Variants in ZBTB20 observed in about 807,000 individuals in gnomAD.
ZBTB20 encodes the protein zinc finger and BTB domain-containing protein 20.
ZBTB20 carries 9 observed loss-of-function variants against 56.9 expected under a neutral mutation model. The observed-to-expected ratio is 0.16, with a 90% CI of 0.10 to 0.28. ZBTB20 has a LOEUF of 0.28. ZBTB20 is among the 10% of genes least tolerant of loss of function. The probability of loss-of-function intolerance (pLI) is 1.00; values close to 1 mark genes in which losing one functional copy is unlikely to be tolerated. For missense variants in ZBTB20, 655 were observed against 1,003.0 expected (o/e 0.65, Z 4.69); for synonymous variants, 417 against 420.7 (o/e 0.99, Z 0.11).
intron 6 of ZBTB20, among the ~76,000 whole-genome samples, chr3:114,597,073 C>T (rs1483663016): frequency 6.6e-6 from 1 of 152,112 alleles, no homozygotes; most frequent in Non-Finnish European, 1.5e-5. Context: ...CCCACAGGCA[C>T]AGATAAGCAT....
At chr3:114,948,755 T>G (rs2076969138) in intron 3 of ZBTB20, among the ~76,000 whole-genome samples, 1 of 145,984 alleles carries the variant, frequency 6.9e-6, no homozygotes, top group Non-Finnish European at 1.5e-5. Context: ...ATTGTAGAAA[T>G]GAATCTAACA....
intron 7 of ZBTB20, among the ~76,000 whole-genome samples, chr3:114,415,004 C>T (rs1403940819): frequency 6.6e-6 from 1 of 151,758 alleles, no homozygotes. Flanking sequence ...GTAACACTGG[C>T]AACTCATAGC....
At chr3:114,892,467 A>T (rs1167103404) in intron 4 of ZBTB20, among the ~76,000 whole-genome samples, 1 of 152,236 alleles carries the variant, frequency 6.6e-6, no homozygotes, top group African/African-American at 2.4e-5. Context: ...TACTGTCAGG[A>T]TCTGAATACA....
chr3:114,443,585 T>C (rs1396675685), intron 7 of ZBTB20, among the ~76,000 whole-genome samples: 1 of 152,194 alleles, frequency 6.6e-6, no homozygotes, highest in Non-Finnish European at 1.5e-5. Context: ...AAAGATTCAA[T>C]ATATTTTTAT....
chr3:114,494,801 C>T (rs2043102351), intron 7 of ZBTB20, among the ~76,000 whole-genome samples: 1 of 152,204 alleles, frequency 6.6e-6, no homozygotes, highest in Non-Finnish European at 1.5e-5. Context: ...TGCTCTTCAA[C>T]CAACCTTTAT....
intron 7 of ZBTB20, among the ~76,000 whole-genome samples, chr3:114,441,718 C>T (rs748797854): frequency 3.0e-4 from 46 of 152,070 alleles, no homozygotes; most frequent in Non-Finnish European, 5.7e-4. Flanking sequence ...TTCTAGGCAA[C>T]ACACCGGTGA....
intron 6 of ZBTB20, among the ~76,000 whole-genome samples, chr3:114,682,503 C>T (rs895842330): frequency 7.9e-5 from 12 of 152,274 alleles, no homozygotes; most frequent in African/African-American, 2.9e-4. Flanking sequence ...AGAATTCGCA[C>T]TCTTCATCTC....
rs532986598 is a variant in ZBTB20 at position 114,527,083 on chromosome 3, C to A, written c.-294-26692G>T. ...TCTATGAAAACGGCAGCATATCTAA[C>A]CAGGGAGGTGGGAACTATAGTTTAA... On this transcript the variant is annotated intron_variant, in intron 6 of 11. Coordinates refer to ENST00000675478, the MANE Select transcript of ZBTB20 (RefSeq NM_001348800.3). The A allele has an allele frequency of 2.0e-5, 3 of 152,196 alleles. No individual in the cohort carries two copies. In the South Asian group the frequency reaches 6.2e-4, roughly 32 times the overall value. 9.4% of individuals were successfully genotyped at this position (152,196 alleles called of 1,614,324 possible).
intron 2 of ZBTB20, among the ~76,000 whole-genome samples, chr3:115,032,167 CAACAT>C (rs1243537015): frequency 2.0e-5 from 3 of 151,106 alleles, no homozygotes. Context: ...AAATGAAAGG[CAACAT>C]AACAGCACGT....
At chr3:114,550,441 T>C (rs1002575051) in intron 6 of ZBTB20, among the ~76,000 whole-genome samples, 1 of 152,322 alleles carries the variant, frequency 6.6e-6, no homozygotes, top group South Asian at 2.1e-4. Flanking sequence ...GAAGTCCAAA[T>C]TGTAAGCTGA....
chr3:114,576,400 G>T (rs1017634558), intron 6 of ZBTB20, among the ~76,000 whole-genome samples: 2 of 150,574 alleles, frequency 1.3e-5, no homozygotes, highest in Non-Finnish European at 3.0e-5. Flanking sequence ...TACTCGGGAG[G>T]CTGAGGCAGG....
At chr3:115,013,365 C>G (rs562647347) in intron 2 of ZBTB20, among the ~76,000 whole-genome samples, 2 of 151,298 alleles carry the variant, frequency 1.3e-5, no homozygotes, top group African/African-American at 4.8e-5. Context: ...CAACTGATAC[C>G]GCAGAATTTA....
intron 4 of ZBTB20, among the ~76,000 whole-genome samples, chr3:114,809,945 A>C (rs1311049720): frequency 6.6e-6 from 1 of 152,126 alleles, no homozygotes; most frequent in African/African-American, 2.4e-5. Context: ...GTTTCTGCTC[A>C]GTTTGTGTAA....
intron 10 of ZBTB20, among the ~76,000 whole-genome samples, chr3:114,375,165 G>A (rs753872282): frequency 2.0e-5 from 3 of 152,192 alleles, no homozygotes; most frequent in Non-Finnish European, 2.9e-5. Context: ...TTCATTGAGC[G>A]TGTCTGCCTT....
Position 114,941,897 on chromosome 3 carries a change from G to A in ZBTB20, c.-456+32469C>T, listed in dbSNP as rs867809994. Among the ~76,000 whole-genome samples the A allele has an allele frequency of 4.1e-5, 6 of 145,770 alleles. 1 individual carries two copies. Among genetic ancestry groups the A allele is most frequent in the African/African-American group, 1.4e-4 (5 of 35,738 alleles). ...CTAACCAAATATTACATTACACATG[G>A]TTTATCACATTACCCAGGGAGGTGA... is the stretch of plus-strand genomic sequence containing the variant. On this transcript the variant is annotated intron_variant, in intron 3 of 11. Coordinates refer to ENST00000675478, the MANE Select transcript of ZBTB20 (RefSeq NM_001348800.3).
intron 6 of ZBTB20, among the ~76,000 whole-genome samples, chr3:114,564,743 C>T (rs910861599): frequency 2.0e-5 from 3 of 152,326 alleles, no homozygotes; most frequent in South Asian, 2.1e-4. Flanking sequence ...AAAAGGCACA[C>T]GTGTTTAGCT....
chr3:114,811,232 C>A (rs1284026404), intron 4 of ZBTB20, among the ~76,000 whole-genome samples: 1 of 152,160 alleles, frequency 6.6e-6, no homozygotes, highest in Non-Finnish European at 1.5e-5. Flanking sequence ...CTCACAGATT[C>A]CTGGGCTCAC....
chr3:114,902,482 T>G (rs1473557145), intron 3 of ZBTB20, among the ~76,000 whole-genome samples: 1 of 151,312 alleles, frequency 6.6e-6, no homozygotes, highest in African/African-American at 2.5e-5. Context: ...TGTGACAGAT[T>G]TGGTACATTT....
chr3:114,931,267 G>A (rs1180044620), intron 3 of ZBTB20: 4 of 192,046 alleles, frequency 2.1e-5, no homozygotes, highest in African/African-American at 7.1e-5. Context: ...TAGAGAGGAC[G>A]GCAGTGAAGA....
Sources: gnomAD v4.1 joint callset for allele counts (sites outside exome capture counted in the v4.1 genomes callset) on GRCh38, gnomAD v4.1.1 for gene constraint, MANE v1.5 for transcripts, NCBI Gene and HGNC (gene_info 2026-07-23, HGNC 2026-07-21) for gene names.